The following ROR2 variants were observed in gnomAD, a reference collection of about 807,000 sequenced individuals.
ROR2 encodes the protein ROR family WNT receptor 2, also known as tyrosine-protein kinase transmembrane receptor ROR2.
ROR2 carries 33 observed loss-of-function variants against 74.9 expected under a neutral mutation model. The ratio of observed to expected loss-of-function variants is 0.44; its 90% CI spans 0.33 to 0.59. The LOEUF is 0.59. Among genes scored for constraint, ROR2 ranks in the 20% least tolerant of loss-of-function variants. The pLI, the probability that ROR2 is intolerant of heterozygous loss-of-function variation, is 0.02. For missense variants in ROR2, 1,216 were observed against 1,313.8 expected, an observed-to-expected ratio of 0.93 and a Z score of 1.15; for synonymous variants, 586 against 558.7, an observed-to-expected ratio of 1.05 and a Z score of -0.69.
chr9:91,757,167 G>A (rs780825278), intron 3 of ROR2, 105 bp downstream of exon 3: 37 of 1,442,038 alleles, frequency 2.6e-5, no homozygotes, highest in East Asian at 1.6e-4. Flanking sequence ...CTCTCCCCTC[G>A]TGCTGACTGG....
At chr9:91,885,966 G>A in intron 1 of ROR2, among the ~76,000 whole-genome samples, 1 of 146,002 alleles carries the variant, frequency 6.8e-6, no homozygotes, top group Non-Finnish European at 1.5e-5. Flanking sequence ...CTCCGCTTCC[G>A]GGGTTCAAGC....
chr9:91,870,025 T>C (rs138908164), intron 1 of ROR2, among the ~76,000 whole-genome samples: 69 of 152,332 alleles, frequency 4.5e-4, no homozygotes, highest in African/African-American at 1.6e-3. Context: ...CACTTTAAAA[T>C]TGTTGAAAAC....
chr9:91,727,338 G>A (rs1472849352), intron 7 of ROR2, among the ~76,000 whole-genome samples: 1 of 151,748 alleles, frequency 6.6e-6, no homozygotes, highest in Non-Finnish European at 1.5e-5. Flanking sequence ...ATGCAACAGG[G>A]GCACAAGAAT....
intron 4 of ROR2, among the ~76,000 whole-genome samples, chr9:91,747,755 G>A (rs1285591390): frequency 1.3e-5 from 2 of 152,122 alleles, no homozygotes; most frequent in East Asian, 3.9e-4. Context: ...GTGGGGCGGG[G>A]GAGGAGTCAG....
rs1208332336 is a variant in ROR2 at position 91,731,031 on chromosome 9, G to C, written c.1062C>G (p.Asp354Glu). The change falls in exon 7 of 9, where the codon GAC (aspartate) becomes GAG (glutamate). Residue 354 changes from aspartate to glutamate, a missense_variant. Asp to Glu is a conservative substitution (Grantham distance 45, BLOSUM62 2). Coordinates refer to ENST00000375708, the MANE Select transcript of ROR2 (RefSeq NM_004560.4). ...HPHSHHLSST[D>E]FPELGGGHAY... ...CGTGCCCCCCTCCAAGCTCAGGGAA[G>C]TCTGTGCTGGACAGGTGGTGGCTGT... 7 of 1,614,192 alleles carry C rather than the reference G, an allele frequency of 4.3e-6. No homozygotes were observed. In the East Asian group the frequency reaches 1.6e-4, roughly 36 times the overall value.
intron 1 of ROR2, among the ~76,000 whole-genome samples, chr9:91,907,304 T>C (rs1830845838): frequency 6.6e-6 from 1 of 152,082 alleles, no homozygotes; most frequent in African/African-American, 2.4e-5. Context: ...AGGACAGTGC[T>C]GATGACCTGG....
At chr9:91,802,077 T>G (rs1317964737) in intron 1 of ROR2, among the ~76,000 whole-genome samples, 2 of 145,954 alleles carry the variant, frequency 1.4e-5, no homozygotes, top group South Asian at 2.2e-4. Flanking sequence ...GTTTTTTTTT[T>G]TTTTTTTTTT....
chr9:91,808,740 C>T (rs1827646614), intron 1 of ROR2, among the ~76,000 whole-genome samples: 1 of 145,144 alleles, frequency 6.9e-6, no homozygotes, highest in Non-Finnish European at 1.5e-5. Context: ...GGGCGGATCA[C>T]GAGGTCAGGA....
At chr9:91,909,846 T>TG (rs1491458606) in intron 1 of ROR2, among the ~76,000 whole-genome samples, 1 of 87,132 alleles carries the variant, frequency 1.1e-5, no homozygotes, top group East Asian at 3.4e-4. Context: ...AGGTTTGTTT[T>TG]GTTTTTTTTT....
intron 6 of ROR2, 124 bp downstream of exon 6, chr9:91,732,997 TA>T: frequency 1.0e-6 from 1 of 984,192 alleles, no homozygotes; most frequent in Non-Finnish European, 1.5e-6. Context: ...CCTCGGCTGC[TA>T]AGGGGGTTCT....
chr9:91,750,955 T>C (rs2118813344), intron 4 of ROR2, among the ~76,000 whole-genome samples: 1 of 152,338 alleles, frequency 6.6e-6, no homozygotes, highest in African/African-American at 2.4e-5. Context: ...GGCAACATTT[T>C]AAGTTCTGAT....
chr9:91,869,359 G>A (rs894650471), intron 1 of ROR2, among the ~76,000 whole-genome samples: 7 of 152,176 alleles, frequency 4.6e-5, no homozygotes, highest in African/African-American at 1.7e-4. Flanking sequence ...GGCTAGTTGT[G>A]TACAGGCATA....
chr9:91,862,341 G>C (rs2119304494), intron 1 of ROR2, among the ~76,000 whole-genome samples: 1 of 151,206 alleles, frequency 6.6e-6, no homozygotes, highest in Non-Finnish European at 1.5e-5. Flanking sequence ...AAAAAAAAAA[G>C]GAGGAGGAGG....
chr9:91,869,046 C>G (rs1829718503), intron 1 of ROR2, among the ~76,000 whole-genome samples: 1 of 152,142 alleles, frequency 6.6e-6, no homozygotes, highest in Non-Finnish European at 1.5e-5. Flanking sequence ...CAAAAACCTA[C>G]ACGTGAATAT....
chr9:91,875,080 T>C (rs1454772781), intron 1 of ROR2, among the ~76,000 whole-genome samples: 1 of 152,200 alleles, frequency 6.6e-6, no homozygotes, highest in Non-Finnish European at 1.5e-5. Context: ...GGGTGGATCA[T>C]TTTATTACAT....
intron 1 of ROR2, among the ~76,000 whole-genome samples, chr9:91,799,148 C>T (rs888774248): frequency 4.6e-5 from 7 of 152,124 alleles, no homozygotes; most frequent in Non-Finnish European, 5.9e-5. Flanking sequence ...GGAGTGGTTT[C>T]CTTTTCTGTT....
rs777158976 is a variant in ROR2 at position 91,927,816 on chromosome 9, G to C, written c.97+22051C>G. The stretch of plus-strand genomic sequence containing the variant: ...TGAGCTCAGGCAATCCACCCTCCTC[G>C]GCCTCCCAAAGTGCTAGGATTACAG... On this transcript the variant is annotated intron_variant, in intron 1 of 8. Transcript: ENST00000375708. Among the ~76,000 whole-genome samples, 25 of 151,854 alleles carry C rather than the reference G, an allele frequency of 1.6e-4. No individual in the cohort carries two copies. The South Asian group carries it at 4.6e-3, about 28-fold the overall frequency.
chr9:91,782,492 T>C (rs1161674550), intron 1 of ROR2, among the ~76,000 whole-genome samples: 1 of 149,012 alleles, frequency 6.7e-6, no homozygotes, highest in African/African-American at 2.5e-5. Flanking sequence ...TTCAGGGGTG[T>C]CCAATCTTTT....
intron 1 of ROR2, among the ~76,000 whole-genome samples, chr9:91,813,115 T>A (rs1827813399): frequency 6.6e-6 from 1 of 152,048 alleles, no homozygotes; most frequent in South Asian, 2.1e-4. Flanking sequence ...GACATTTACT[T>A]TTAGAAAAAA....
Sources: gnomAD v4.1 joint callset for allele counts (sites outside exome capture counted in the v4.1 genomes callset) on GRCh38, gnomAD v4.1.1 for gene constraint, MANE v1.5 for transcripts, NCBI Gene and HGNC (gene_info 2026-07-23, HGNC 2026-07-21) for gene names.